Variants in NBPF12 observed in about 807,000 individuals in gnomAD.
The protein encoded by NBPF12 is NBPF member 12, also known as NBPF family member NBPF12.
NBPF12 carries 115 observed loss-of-function variants against 146.4 expected under a neutral mutation model. That is an observed-to-expected ratio of 0.79 (90% CI 0.68 to 0.92). The LOEUF (loss-of-function observed/expected upper bound fraction) is 0.92. Ranked by LOEUF, NBPF12 falls within the 40% of genes least tolerant of loss-of-function variation. NBPF12 has a pLI of 0.00. For missense variants in NBPF12, 1,205 were observed against 1,326.8 expected, an observed-to-expected ratio of 0.91 and a Z score of 1.43; for synonymous variants, 385 against 508.9, an observed-to-expected ratio of 0.76 and a Z score of 3.28.
At chr1:146,949,074 C>T (rs1459478026), upstream of NBPF12, among the ~76,000 whole-genome samples, 178 of 152,252 alleles carry the variant, frequency 1.2e-3, 2 homozygotes, top group African/African-American at 4.0e-3. Flanking sequence ...CTGCCACATC[C>T]CCCTCTCCGG....
At chr1:146,966,511 G>A (rs1656221094) in exon 9 of NBPF12, 1 of 1,476,854 alleles carries the variant, frequency 6.8e-7, no homozygotes, top group African/African-American at 1.4e-5. Context: ...GGTGGTATCA[G>A]CCGGCCCTTT....
intron 31 of NBPF12, among the ~76,000 whole-genome samples, chr1:146,992,462 CTGTGTGTGTGTGTGTGTGTG>C (rs1163182082): frequency 2.6e-3 from 169 of 65,998 alleles, no homozygotes; most frequent in East Asian, 9.6e-3. Flanking sequence ...CTCTCTCTCT[CTGTGTGTGTGTGTGTGTGTG>C]TGTGTGTGTG....
At chr1:146,974,317 C>T (rs1420840159) in intron 14 of NBPF12, among the ~76,000 whole-genome samples, 4 of 141,356 alleles carry the variant, frequency 2.8e-5, no homozygotes, top group African/African-American at 1.1e-4. Context: ...CCTTGAAATT[C>T]CCAGTAAAAG....
chr1:146,994,128 GTCTCTC>G (rs1194794987), intron 33 of NBPF12, among the ~76,000 whole-genome samples, 198 bp from the exon 37 acceptor site: 3 of 103,998 alleles, frequency 2.9e-5, no homozygotes, highest in African/African-American at 4.3e-5. Flanking sequence ...CTCTGTCTCT[GTCTCTC>G]TCTCTCTGTC....
intron 2 of NBPF12, among the ~76,000 whole-genome samples, chr1:146,958,117 C>G (rs1205261009): frequency 3.4e-5 from 4 of 117,952 alleles, no homozygotes; most frequent in African/African-American, 1.1e-4. Flanking sequence ...AGGTATATAT[C>G]CTAATGCTAT....
At chr1:146,957,892 C>T (rs1655667921) in intron 2 of NBPF12, among the ~76,000 whole-genome samples, 1 of 109,626 alleles carries the variant, frequency 9.1e-6, no homozygotes, top group African/African-American at 3.1e-5. Flanking sequence ...TGTATATACA[C>T]ATATATATAC....
intron 14 of NBPF12, 43 bp downstream of exon 17, chr1:146,973,003 T>C: frequency 1.2e-6 from 1 of 858,090 alleles, no homozygotes; most frequent in East Asian, 2.4e-5. Context: ...ATGAACGAAG[T>C]CCTGTCTTCT....
intron 5 of NBPF12, 62 bp downstream of exon 8, chr1:146,962,325 C>T (rs1655901233): frequency 1.5e-6 from 2 of 1,363,958 alleles, no homozygotes; most frequent in Non-Finnish European, 2.0e-6. Flanking sequence ...AGTACAGCAG[C>T]TCGGCGGGGA....
intron 14 of NBPF12, among the ~76,000 whole-genome samples, chr1:146,973,865 G>A (rs1570868750): frequency 1.3e-5 from 2 of 149,286 alleles, no homozygotes; most frequent in East Asian, 2.0e-4. Flanking sequence ...GCTTCCTGGG[G>A]CACAGAGTCT....
At chr1:146,990,872 C>A in intron 29 of NBPF12, among the ~76,000 whole-genome samples, 1 of 85,896 alleles carries the variant, frequency 1.2e-5, no homozygotes, top group East Asian at 4.3e-4. Flanking sequence ...AGTGTGTCAC[C>A]CGGCCAATTC....
At chr1:146,953,056 C>T (rs1655396098) in intron 2 of NBPF12, among the ~76,000 whole-genome samples, 1 of 150,796 alleles carries the variant, frequency 6.6e-6, no homozygotes, top group East Asian at 2.0e-4. Context: ...TGTGGCGCCT[C>T]TCCTCTACAG....
In NBPF12 at chr1:146,962,159, A is replaced by G; in HGVS notation, c.176-2A>G. On this transcript the variant is annotated splice_acceptor_variant, in intron 4 of 33. Transcript: ENST00000617844. LOFTEE classifies it high-confidence loss of function. ...AGGCAGGCGTGTCTGTCTTTTTCTC[A>G]GAGTATGAAGAGTGTAAAGACCTCA... 2.5e-6 allele frequency: 4 copies of G among 1,608,628 alleles called. No individual in the cohort carries two copies. The highest frequency in any genetic ancestry group is 2.2e-5 in the East Asian group (1 of 44,878).
intron 2 of NBPF12, among the ~76,000 whole-genome samples, chr1:146,958,362 ACT>A (rs1655699661): frequency 1.5e-5 from 2 of 133,154 alleles, no homozygotes; most frequent in Non-Finnish European, 3.3e-5. Flanking sequence ...AATATTAACC[ACT>A]CTCCATCATA....
At chr1:146,963,401 G>A in intron 6 of NBPF12, 92 bp downstream of exon 9, 2 of 1,603,410 alleles carry the variant, frequency 1.2e-6, no homozygotes, top group Non-Finnish European at 8.5e-7. Flanking sequence ...TGTATCAGTG[G>A]GGTTTTTTTC....
intron 2 of NBPF12, among the ~76,000 whole-genome samples, chr1:146,957,855 T>TAC (rs1553884501): frequency 1.0e-5 from 1 of 95,610 alleles, no homozygotes; most frequent in Non-Finnish European, 2.1e-5. Flanking sequence ...TATATATATA[T>TAC]ACACGTGTTA....
exon 34 of NBPF12, chr1:146,994,808 G>C (rs1266926270): frequency 7.3e-5 from 58 of 794,074 alleles, no homozygotes; most frequent in Non-Finnish European, 1.0e-4. Context: ...TGCCGGGAGT[G>C]ATCAGCCGGA....
chr1:146,967,585 G>T (rs1361013362), intron 9 of NBPF12, among the ~76,000 whole-genome samples: 2 of 150,358 alleles, frequency 1.3e-5, no homozygotes, highest in African/African-American at 2.5e-5. Context: ...GGGGCACAGA[G>T]TCTTGTTCCT....
chr1:146,994,242 C>T (rs1553889952), intron 33 of NBPF12, 90 bp from the exon 37 acceptor site: 1 of 1,608,914 alleles, frequency 6.2e-7, no homozygotes, highest in Non-Finnish European at 8.5e-7. Flanking sequence ...TCTTTTCTAA[C>T]CACTTCCTTA....
chr1:146,982,527 G>T (rs1268385455), intron 19 of NBPF12, among the ~76,000 whole-genome samples: 2,161 of 151,938 alleles, frequency 0.014, 39 homozygotes, highest in Non-Finnish European at 0.021. Context: ...GGAAAATGGG[G>T]CCCTTAATAC....
Sources: gnomAD v4.1 joint callset for allele counts (sites outside exome capture counted in the v4.1 genomes callset) on GRCh38, gnomAD v4.1.1 for gene constraint, MANE v1.5 for transcripts, NCBI Gene and HGNC (gene_info 2026-07-23, HGNC 2026-07-21) for gene names.